The following LRRC20 variants were observed in gnomAD, a reference collection of about 807,000 sequenced individuals.
The protein encoded by LRRC20 is leucine-rich repeat-containing protein 20.
LRRC20 carries 11 observed loss-of-function variants against 14.4 expected under a neutral mutation model. The ratio of observed to expected loss-of-function variants is 0.77; its 90% confidence interval spans 0.48 to 1.27. The LOEUF is 1.27. LRRC20 is among the 50% of genes most tolerant of loss of function. The pLI is 0.00. For missense variants in LRRC20, 219 were observed against 251.2 expected, an observed-to-expected ratio of 0.87 and a Z score of 0.87; for synonymous variants, 121 against 107.3, an observed-to-expected ratio of 1.13 and a Z score of -0.79.
intron 2 of LRRC20, among the ~76,000 whole-genome samples, chr10:70,357,893 GCTGGTC>G (rs1251779459): frequency 6.6e-6 from 1 of 152,238 alleles, no homozygotes; most frequent in Non-Finnish European, 1.5e-5. Context: ...AGGGACCACA[GCTGGTC>G]CGAGTGGAGG....
intron 3 of LRRC20, 80 bp from the exon 4 acceptor site, chr10:70,324,110 T>C: frequency 7.3e-7 from 1 of 1,367,222 alleles, no homozygotes; most frequent in Non-Finnish European, 1.0e-6. Context: ...GCTGTGGCTC[T>C]CACCCTGCCT....
chr10:70,318,872 A>G (rs924153362), intron 4 of LRRC20, among the ~76,000 whole-genome samples: 5 of 151,912 alleles, frequency 3.3e-5, no homozygotes, highest in African/African-American at 4.8e-5. Flanking sequence ...CAGTGGTGCA[A>G]TCACAGCTCA....
intron 2 of LRRC20, among the ~76,000 whole-genome samples, chr10:70,351,481 G>T (rs953250009): frequency 2.6e-5 from 4 of 152,100 alleles, no homozygotes; most frequent in African/African-American, 9.7e-5. Context: ...GTTCTTTAAC[G>T]AACTGTATTA....
At chr10:70,339,005 G>A (rs968692243) in intron 3 of LRRC20, among the ~76,000 whole-genome samples, 1 of 152,288 alleles carries the variant, frequency 6.6e-6, no homozygotes, top group South Asian at 2.1e-4. Context: ...TACGTAGGAG[G>A]GGAGTGACTG....
chr10:70,302,319 A>G (rs1038197745), intron 4 of LRRC20, among the ~76,000 whole-genome samples: 19 of 152,202 alleles, frequency 1.2e-4, no homozygotes, highest in African/African-American at 4.6e-4. Context: ...TCTCAAAAAA[A>G]AAAGAGAAAA....
chr10:70,350,884 C>G (rs1162712950), intron 2 of LRRC20, among the ~76,000 whole-genome samples: 1 of 152,216 alleles, frequency 6.6e-6, no homozygotes, highest in African/African-American at 2.4e-5. Flanking sequence ...TGCCAAACTT[C>G]TGAGTTAGAA....
Position 70,301,369 on chromosome 10 carries a change from T to G in LRRC20, c.540A>C (p.Arg180Ser). The G allele has an allele frequency of 6.2e-7, 1 of 1,613,134 alleles. No homozygotes were observed. The highest frequency in any genetic ancestry group is 1.1e-5 in the South Asian group (1 of 91,006). Residue 180 changes from arginine to serine, a missense_variant, in exon 5 of 5, where the codon AGA becomes AGC. By Grantham distance (110) the Arg-to-Ser change is moderately radical. Coordinates refer to ENST00000446961, the MANE Select transcript of LRRC20 (RefSeq NM_001278212.2). ...GGAGGGTGGCCTAAGGTAGGGGGGCTCTTGCGCCTTCCGGAGACATGAGCA... is the reference window on the plus strand; with the variant it reads ...GGAGGGTGGCCTAAGGTAGGGGGGCGCTTGCGCCTTCCGGAGACATGAGCA... ...FDMLMSPEGA[R>S]APLP
chr10:70,338,188 A>T (rs763577457), intron 3 of LRRC20, among the ~76,000 whole-genome samples: 7 of 152,168 alleles, frequency 4.6e-5, no homozygotes, highest in Admixed American at 1.3e-4. Context: ...AGCTATGTAG[A>T]CTAATCCCTC....
At chr10:70,335,018 C>T (rs761392574) in intron 3 of LRRC20, among the ~76,000 whole-genome samples, 2 of 152,142 alleles carry the variant, frequency 1.3e-5, no homozygotes, top group Non-Finnish European at 2.9e-5. Context: ...GTGTCATGCA[C>T]CCTGTGGGCT....
chr10:70,351,775 G>A (rs926243058), intron 2 of LRRC20, among the ~76,000 whole-genome samples: 2 of 152,130 alleles, frequency 1.3e-5, no homozygotes, highest in Admixed American at 6.5e-5. Context: ...TGTCTAACAC[G>A]TCCAGTGTGA....
At chr10:70,326,325 C>CAT (rs1167170200) in intron 3 of LRRC20, among the ~76,000 whole-genome samples, 1 of 151,586 alleles carries the variant, frequency 6.6e-6, no homozygotes, top group African/African-American at 2.4e-5. Context: ...CACACACACA[C>CAT]ACACACACGC....
chr10:70,350,707 G>A (rs1050113926), intron 2 of LRRC20, among the ~76,000 whole-genome samples: 16 of 152,174 alleles, frequency 1.1e-4, no homozygotes, highest in Admixed American at 3.3e-4. Flanking sequence ...CAGAGGCGAG[G>A]GTGTCAGGGA....
chr10:70,305,683 T>A (rs1201493103), intron 4 of LRRC20, among the ~76,000 whole-genome samples: 2 of 152,184 alleles, frequency 1.3e-5, no homozygotes, highest in African/African-American at 4.8e-5. Flanking sequence ...GTATAAAATG[T>A]TGCAAAACTA....
At chr10:70,306,503 C>T (rs1484432722) in intron 4 of LRRC20, among the ~76,000 whole-genome samples, 1 of 152,202 alleles carries the variant, frequency 6.6e-6, no homozygotes, top group Admixed American at 6.5e-5. Flanking sequence ...GGTGTTTCTT[C>T]ACGATTCAAC....
At chr10:70,345,965 C>T (rs955615718) in intron 2 of LRRC20, among the ~76,000 whole-genome samples, 4 of 151,774 alleles carry the variant, frequency 2.6e-5, no homozygotes, top group African/African-American at 7.3e-5. Flanking sequence ...CCCGTCTCTA[C>T]AAAAAATAAA....
At position 70,300,427 on chromosome 10, in the gene LRRC20, T is replaced by G. The variant is rs1397049562; in HGVS notation, c.*927A>C. Reference sequence around the variant, plus strand: ...TTTGGGCGTTGGCCTGGGAGCTGGCTGGCTACAAATCCCGTGGTCCACATC... The same window carrying G: ...TTTGGGCGTTGGCCTGGGAGCTGGCGGGCTACAAATCCCGTGGTCCACATC... On this transcript the variant is annotated 3_prime_UTR_variant, in exon 5 of 5. Coordinates refer to ENST00000446961, the MANE Select transcript of LRRC20 (RefSeq NM_001278212.2). 2.0e-6 allele frequency: 2 copies of G among 985,456 alleles called. No homozygotes were observed. The highest frequency in any genetic ancestry group is 3.5e-5 in the African/African-American group (2 of 57,230). 61.0% of individuals were successfully genotyped at this position (985,456 alleles called of 1,614,324 possible). A position where few individuals can be genotyped will look rare whatever the true frequency, so the allele number is the denominator to read the frequency against.
At chr10:70,370,881 G>A (rs191608481) in intron 2 of LRRC20, among the ~76,000 whole-genome samples, 80 of 152,286 alleles carry the variant, frequency 5.3e-4, no homozygotes, top group South Asian at 4.3e-3. Context: ...ATTAGTCGGT[G>A]TAGTAGCAAG....
intron 4 of LRRC20, among the ~76,000 whole-genome samples, chr10:70,304,506 A>G (rs866505027): frequency 7.7e-6 from 1 of 129,366 alleles, no homozygotes; most frequent in East Asian, 2.2e-4. Flanking sequence ...ATATATATAT[A>G]TTTTACTAAG....
intron 2 of LRRC20, among the ~76,000 whole-genome samples, chr10:70,352,697 T>C (rs548034714): frequency 1.3e-5 from 2 of 152,146 alleles, no homozygotes; most frequent in South Asian, 4.1e-4. Flanking sequence ...TATTGGAAAA[T>C]CTCTATTCTT....
Sources: allele counts gnomAD v4.1 joint callset (sites outside exome capture counted in the v4.1 genomes callset), GRCh38; gene constraint gnomAD v4.1.1; transcripts MANE v1.5; gene names NCBI Gene and HGNC (gene_info 2026-07-23, HGNC 2026-07-21).